LARP1B: variants seen among roughly 807,000 people sequenced by gnomAD.
The protein encoded by LARP1B is la-related protein 1B.
Under a neutral mutation model 114.2 loss-of-function variants are expected in LARP1B, and 76 were observed. The observed-to-expected ratio is 0.67, with a 90% CI of 0.55 to 0.81. The LOEUF (loss-of-function observed/expected upper bound fraction) is 0.81, where lower values mean the gene tolerates loss of function less well. Among genes scored for constraint, LARP1B ranks in the 30% least tolerant of loss-of-function variants. The pLI, the probability that LARP1B is intolerant of heterozygous loss-of-function variation, is 0.00. For missense variants in LARP1B, 1,014 were observed against 1,075.8 expected, an observed-to-expected ratio of 0.94 and a Z score of 0.80; for synonymous variants, 345 against 348.0, an observed-to-expected ratio of 0.99 and a Z score of 0.10.
intron 16 of LARP1B, 142 bp downstream of exon 16, chr4:128,199,741 A>G (rs981287251): frequency 3.3e-5 from 13 of 392,958 alleles, no homozygotes; most frequent in Non-Finnish European, 4.8e-5. Context: ...ACATGTTTAC[A>G]TATATTCTTT....
chr4:128,158,491 G>T (rs2150397495), intron 11 of LARP1B, among the ~76,000 whole-genome samples: 1 of 152,074 alleles, frequency 6.6e-6, no homozygotes, highest in Middle Eastern at 3.4e-3. Context: ...TACTATAAGA[G>T]AATAAAAAGG....
chr4:128,102,301 A>C (rs2149737663), intron 8 of LARP1B, among the ~76,000 whole-genome samples: 1 of 152,322 alleles, frequency 6.6e-6, no homozygotes, highest in African/African-American at 2.4e-5. Flanking sequence ...GACTATTGTC[A>C]GTGTCCTGAG....
chr4:128,203,360 T>TCCTC lies in LARP1B; in HGVS notation c.2309+2707_2309+2710dup, dbSNP rs1280677346. On this transcript the variant is annotated intron_variant, in intron 17 of 19. Transcript: ENST00000326639. ...CTCCCTCCCTCTTTTCTTTTCTTTT[T>TCCTC]CCTCCCTCCCTCCCTTCCTTTCTTT... 2.0e-3 allele frequency among the ~76,000 whole-genome samples: 298 copies of TCCTC among 145,666 alleles called. 2 individuals carry two copies. The highest frequency in any genetic ancestry group is 7.2e-3 in the African/African-American group (286 of 39,586).
chr4:128,100,418 G>A (rs745878338), intron 8 of LARP1B, among the ~76,000 whole-genome samples: 5 of 151,890 alleles, frequency 3.3e-5, no homozygotes, highest in South Asian at 2.1e-4. Flanking sequence ...TACTACAGGC[G>A]CACGCCACCA....
chr4:128,101,995 C>T (rs1179571758), intron 8 of LARP1B, among the ~76,000 whole-genome samples: 1 of 152,136 alleles, frequency 6.6e-6, no homozygotes, highest in Non-Finnish European at 1.5e-5. Flanking sequence ...TTTTTACAAC[C>T]TACAGCAGTA....
Position 128,077,778 on chromosome 4 carries a change from C to T in LARP1B, c.43-10C>T, listed in dbSNP as rs377468611. ...ATGGAAATCATTTCATTCTGAAAAC[C>T]TTTTTGCAGTTTCAGAGCGTCCTCA... On this transcript the variant is annotated splice_polypyrimidine_tract_variant and intron_variant, in intron 3 of 19. Coordinates refer to ENST00000326639, the MANE Select transcript of LARP1B (RefSeq NM_018078.4). 2 of 1,526,006 alleles carry T rather than the reference C, an allele frequency of 1.3e-6. No individual in the cohort carries two copies. Among genetic ancestry groups the T allele is most frequent in the Non-Finnish European group, 8.8e-7 (1 of 1,141,054 alleles). 94.5% of individuals were successfully genotyped at this position (1,526,006 alleles called of 1,614,324 possible). A position where few individuals can be genotyped will look rare whatever the true frequency, so the allele number is the denominator to read the frequency against.
chr4:128,093,618 T>G (rs1776668402), intron 7 of LARP1B, among the ~76,000 whole-genome samples: 1 of 151,836 alleles, frequency 6.6e-6, no homozygotes, highest in Non-Finnish European at 1.5e-5. Context: ...AAAAAAAATG[T>G]TTTCCTGACA....
chr4:128,110,546 G>A (rs566846782), intron 9 of LARP1B, among the ~76,000 whole-genome samples: 21 of 148,628 alleles, frequency 1.4e-4, no homozygotes, highest in African/African-American at 4.4e-4. Flanking sequence ...GCGTAGTGGC[G>A]GGCGCCTGTA....
intron 8 of LARP1B, 55 bp from the exon 9 acceptor site, chr4:128,107,084 A>G (rs1293517660): frequency 4.8e-6 from 7 of 1,449,946 alleles, no homozygotes; most frequent in Non-Finnish European, 6.7e-6. Context: ...TCTTAGAAGT[A>G]TAGCACAGAC....
intron 11 of LARP1B, among the ~76,000 whole-genome samples, chr4:128,132,404 T>C (rs1305477563): frequency 1.3e-5 from 2 of 151,782 alleles, no homozygotes; most frequent in Non-Finnish European, 2.9e-5. Context: ...CCCACCACGC[T>C]TGGCTAATTT....
chr4:128,133,628 A>G (rs1452794148), intron 11 of LARP1B, among the ~76,000 whole-genome samples: 2 of 152,254 alleles, frequency 1.3e-5, no homozygotes, highest in East Asian at 1.9e-4. Context: ...TGGTACTGTC[A>G]TAAAGACAGA....
At chr4:128,090,942 C>T in intron 5 of LARP1B, 59 bp from the exon 6 acceptor site, 1 of 1,307,638 alleles carries the variant, frequency 7.6e-7, no homozygotes, top group Non-Finnish European at 1.1e-6. Context: ...TTCATAAAGA[C>T]AATCATGTTA....
intron 5 of LARP1B, among the ~76,000 whole-genome samples, chr4:128,086,432 G>A (rs1396138787): frequency 6.6e-6 from 1 of 152,050 alleles, no homozygotes; most frequent in Admixed American, 6.6e-5. Context: ...AGGCTCAAGC[G>A]ATTCTCCTGT....
chr4:128,206,809 C>G, intron 18 of LARP1B: 1 of 985,382 alleles, frequency 1.0e-6, no homozygotes, highest in Non-Finnish European at 1.2e-6. Flanking sequence ...CACTGATGTT[C>G]CGTTACATGA....
intron 19 of LARP1B, among the ~76,000 whole-genome samples, chr4:128,207,655 TATTA>T (rs2150951217): frequency 6.6e-6 from 1 of 152,376 alleles, no homozygotes; most frequent in East Asian, 1.9e-4. Flanking sequence ...TTTCTAGATT[TATTA>T]ATTTTTACCT....
intron 7 of LARP1B, among the ~76,000 whole-genome samples, chr4:128,091,999 A>T (rs1776094709): frequency 6.6e-6 from 1 of 152,180 alleles, no homozygotes; most frequent in South Asian, 2.1e-4. Context: ...AGGTGTTTTT[A>T]AAATTTTATA....
At chr4:128,075,051 A>T in intron 3 of LARP1B, 58 bp downstream of exon 3, 2 of 1,110,464 alleles carry the variant, frequency 1.8e-6, no homozygotes, top group Non-Finnish European at 2.7e-6. Flanking sequence ...TCATTTCGAC[A>T]TGCAGAATTT....
chr4:128,103,321 A>G (rs1780923192), intron 8 of LARP1B, among the ~76,000 whole-genome samples: 1 of 152,138 alleles, frequency 6.6e-6, no homozygotes, highest in South Asian at 2.1e-4. Context: ...TAGGAAATAA[A>G]TTACACAAAA....
Position 128,207,283 on chromosome 4 carries a change from G to T in LARP1B, c.2447G>T (p.Trp816Leu). The change falls in exon 19 of 20, where the codon TGG becomes TTG. Residue 816 changes from tryptophan (W) to leucine (L), a missense_variant. By Grantham distance (61) the Trp-to-Leu change is moderately conservative (BLOSUM62 -2). Coordinates refer to ENST00000326639, the MANE Select transcript of LARP1B (RefSeq NM_018078.4). ...CAGCTGTATGGACTAGAAAAGTTTT[G>T]GGCTTATTTGAAATATTCTCAATCT... Reference protein sequence around the residue: ...SGQLYGLEKFWAYLKYSQSKT... With the variant: ...SGQLYGLEKFLAYLKYSQSKT... 2 of 1,502,284 alleles carry T rather than the reference G, an allele frequency of 1.3e-6. No homozygotes were observed. Among genetic ancestry groups the T allele is most frequent in the South Asian group, 1.4e-5 (1 of 73,276 alleles). 93.1% of individuals were successfully genotyped at this position (1,502,284 alleles called of 1,614,324 possible).
Sources: allele counts gnomAD v4.1 joint callset (sites outside exome capture counted in the v4.1 genomes callset), GRCh38; gene constraint gnomAD v4.1.1; transcripts MANE v1.5; gene names NCBI Gene and HGNC (gene_info 2026-07-23, HGNC 2026-07-21).